SDCCAG8: variants seen among roughly 807,000 people sequenced by gnomAD.
The protein encoded by SDCCAG8 is SHH signaling and ciliogenesis regulator SDCCAG8.
A neutral mutation model predicts 101.8 loss-of-function variants in SDCCAG8; 74 were observed. The ratio of observed to expected loss-of-function variants is 0.73; its 90% CI spans 0.60 to 0.88. The LOEUF is 0.88. SDCCAG8 is among the 40% of genes least tolerant of loss of function. The probability of loss-of-function intolerance (pLI) is 0.00; values close to 1 mark genes in which losing one functional copy is unlikely to be tolerated. For missense variants in SDCCAG8, 787 were observed against 822.6 expected (o/e 0.96, Z 0.53); for synonymous variants, 281 against 292.9 (o/e 0.96, Z 0.41).
intron 9 of SDCCAG8, among the ~76,000 whole-genome samples, chr1:243,322,370 A>G (rs2073826661): frequency 6.6e-6 from 1 of 152,222 alleles, no homozygotes; most frequent in Non-Finnish European, 1.5e-5. Flanking sequence ...TAAACCTCTC[A>G]TGTACCCCAG....
chr1:243,265,416 G>A (rs987111483), intron 1 of SDCCAG8, among the ~76,000 whole-genome samples: 5 of 152,118 alleles, frequency 3.3e-5, no homozygotes, highest in African/African-American at 9.7e-5. Flanking sequence ...ATTATTTCAC[G>A]TAATATTATG....
At chr1:243,305,705 G>A (rs558973487) in intron 7 of SDCCAG8, 2 of 152,196 alleles carry the variant, frequency 1.3e-5, no homozygotes, top group South Asian at 4.1e-4. Context: ...TTGAAATATT[G>A]TTTATAATTT....
At chr1:243,301,734 C>A (rs771055211) in intron 6 of SDCCAG8, among the ~76,000 whole-genome samples, 1 of 151,720 alleles carries the variant, frequency 6.6e-6, no homozygotes, top group South Asian at 2.1e-4. Flanking sequence ...GAAAAGCATA[C>A]CTGTAGACTC....
At chr1:243,471,580 C>T (rs537310144) in intron 16 of SDCCAG8, among the ~76,000 whole-genome samples, 31 of 152,116 alleles carry the variant, frequency 2.0e-4, no homozygotes, top group African/African-American at 7.5e-4. Context: ...TGACAAAGGC[C>T]TTTTCGGAGG....
intron 16 of SDCCAG8, among the ~76,000 whole-genome samples, chr1:243,428,290 A>C (rs2081477969): frequency 6.6e-6 from 1 of 152,232 alleles, no homozygotes; most frequent in Admixed American, 6.5e-5. Flanking sequence ...TGATTGATTG[A>C]TTGATTGCTG....
At chr1:243,307,001 A>G (rs992275519) in intron 7 of SDCCAG8, among the ~76,000 whole-genome samples, 3 of 151,706 alleles carry the variant, frequency 2.0e-5, no homozygotes, top group African/African-American at 4.8e-5. Context: ...GAGTAGACAG[A>G]GATGGAGATA....
intron 5 of SDCCAG8, among the ~76,000 whole-genome samples, chr1:243,289,809 C>A (rs1053727966): frequency 6.6e-6 from 1 of 152,068 alleles, no homozygotes; most frequent in African/African-American, 2.4e-5. Context: ...TTGAACCAAA[C>A]CATCTTTGTT....
At chr1:243,259,197 G>C (rs1012102586) in intron 1 of SDCCAG8, among the ~76,000 whole-genome samples, 3 of 149,840 alleles carry the variant, frequency 2.0e-5, no homozygotes, top group Non-Finnish European at 3.0e-5. Context: ...TCAGGAGATG[G>C]GAGACCAGCC....
chr1:243,440,549 G>A (rs979193953), intron 16 of SDCCAG8, among the ~76,000 whole-genome samples: 7 of 152,164 alleles, frequency 4.6e-5, no homozygotes, highest in Admixed American at 3.9e-4. Context: ...TCTGGGAAAT[G>A]GCTGGAAGGC....
At position 243,305,010 on chromosome 1, in the gene SDCCAG8, A is replaced by G. The variant is rs190962501; in HGVS notation, c.740+233A>G. On this transcript the variant is annotated intron_variant, in intron 7 of 17. Transcript: ENST00000366541. Reference sequence around the variant, plus strand: ...TTGTAAAATATTTGTGTTTTCTTGTAGAAATAAGAATCACGGCCGGGCGCG... The same window carrying G: ...TTGTAAAATATTTGTGTTTTCTTGTGGAAATAAGAATCACGGCCGGGCGCG... The G allele has an allele frequency of 1.8e-4, 92 of 510,522 alleles. No homozygotes were observed. In the East Asian group the frequency reaches 3.3e-3, roughly 18 times the overall value. 31.6% of individuals were successfully genotyped at this position (510,522 alleles called of 1,614,324 possible).
intron 7 of SDCCAG8, 164 bp from the exon 8 acceptor site, chr1:243,307,825 C>G (rs1170409344): frequency 1.2e-5 from 17 of 1,467,068 alleles, no homozygotes; most frequent in Non-Finnish European, 1.5e-5. Flanking sequence ...ATCACCACAC[C>G]AAAGTTTCAG....
At chr1:243,476,665 G>A (rs759065483) in intron 16 of SDCCAG8, among the ~76,000 whole-genome samples, 2 of 152,190 alleles carry the variant, frequency 1.3e-5, no homozygotes, top group African/African-American at 2.4e-5. Flanking sequence ...CATGTCTTCC[G>A]TTAAGACTAT....
chr1:243,360,516 C>T (rs1442557512), intron 12 of SDCCAG8, among the ~76,000 whole-genome samples: 1 of 151,772 alleles, frequency 6.6e-6, no homozygotes, highest in Non-Finnish European at 1.5e-5. Context: ...GCATAAGGGC[C>T]AGAGAAAGTC....
chr1:243,342,262 C>T (rs1314058390), intron 11 of SDCCAG8, among the ~76,000 whole-genome samples: 1 of 152,136 alleles, frequency 6.6e-6, no homozygotes, highest in African/African-American at 2.4e-5. Flanking sequence ...CTGTTGAAAT[C>T]AGTACAGCAG....
At chr1:243,365,284 A>G (rs542463378) in intron 12 of SDCCAG8, among the ~76,000 whole-genome samples, 1 of 152,208 alleles carries the variant, frequency 6.6e-6, no homozygotes, top group East Asian at 1.9e-4. Flanking sequence ...TTTGTTTTTT[A>G]TGAAACAAAA....
chr1:243,277,737 A>G (rs1053082095), intron 4 of SDCCAG8, among the ~76,000 whole-genome samples: 3 of 152,154 alleles, frequency 2.0e-5, no homozygotes, highest in African/African-American at 4.8e-5. Flanking sequence ...CAGGTTCACT[A>G]TATTTTCTCC....
chr1:243,364,384 G>T (rs1239914292), intron 12 of SDCCAG8, among the ~76,000 whole-genome samples: 1 of 152,138 alleles, frequency 6.6e-6, no homozygotes, highest in Non-Finnish European at 1.5e-5. Context: ...CTATAGGTGA[G>T]AATGCTTTAG....
intron 6 of SDCCAG8, among the ~76,000 whole-genome samples, chr1:243,298,556 A>T (rs1044289290): frequency 1.3e-5 from 2 of 151,852 alleles, no homozygotes; most frequent in Non-Finnish European, 2.9e-5. Flanking sequence ...ACCTCAAGTG[A>T]TCCACCTGCC....
chr1:243,374,857 C>A (rs2077502821), intron 12 of SDCCAG8, among the ~76,000 whole-genome samples: 1 of 151,922 alleles, frequency 6.6e-6, no homozygotes, highest in Non-Finnish European at 1.5e-5. Flanking sequence ...CTTAAAAGAA[C>A]ATACACTTTA....
Sources: gnomAD v4.1 joint callset for allele counts (sites outside exome capture counted in the v4.1 genomes callset) on GRCh38, gnomAD v4.1.1 for gene constraint, MANE v1.5 for transcripts, NCBI Gene and HGNC (gene_info 2026-07-23, HGNC 2026-07-21) for gene names.